SGCZ: variants seen among roughly 807,000 people sequenced by gnomAD.
The protein encoded by SGCZ is zeta-sarcoglycan.
SGCZ carries 40 observed loss-of-function variants against 41.3 expected under a neutral mutation model. That is an observed-to-expected ratio of 0.97 (90% CI 0.75 to 1.26). The LOEUF (loss-of-function observed/expected upper bound fraction) is 1.26, where lower values mean the gene tolerates loss of function less well. Among genes scored for constraint, SGCZ ranks in the 50% most tolerant of loss-of-function variants. SGCZ has a pLI of 0.00. For synonymous variants in SGCZ, 206 were observed against 137.5 expected, an observed-to-expected ratio of 1.50 and a Z score of -3.49; for missense variants, 552 against 369.8, an observed-to-expected ratio of 1.49 and a Z score of -4.04.
intron 2 of SGCZ, among the ~76,000 whole-genome samples, chr8:14,350,232 T>G (rs1803039919): frequency 1.3e-5 from 2 of 150,276 alleles, no homozygotes; most frequent in African/African-American, 2.4e-5. Context: ...TCAATAATCT[T>G]AAGGAGCAAA....
chr8:14,232,495 C>A (rs900168090), intron 4 of SGCZ, among the ~76,000 whole-genome samples: 9 of 151,796 alleles, frequency 5.9e-5, no homozygotes, highest in Non-Finnish European at 1.2e-4. Flanking sequence ...CTTATTTAAG[C>A]CCTAAGTTTC....
intron 1 of SGCZ, among the ~76,000 whole-genome samples, chr8:15,140,945 G>T (rs1457057744): frequency 6.6e-6 from 1 of 152,204 alleles, no homozygotes; most frequent in Non-Finnish European, 1.5e-5. Context: ...TACATTTAAT[G>T]AGGAACTATT....
intron 2 of SGCZ, among the ~76,000 whole-genome samples, chr8:14,410,884 G>C (rs904692323): frequency 1.3e-5 from 2 of 152,082 alleles, no homozygotes; most frequent in South Asian, 2.1e-4. Flanking sequence ...TGAGGGAAAA[G>C]TTTAAAAAGC....
At chr8:14,212,467 C>CAAAAAAAAAAAAAAAAA (rs33947419) in intron 4 of SGCZ, among the ~76,000 whole-genome samples, 7 of 97,972 alleles carry the variant, frequency 7.1e-5, no homozygotes, top group East Asian at 2.9e-4. Flanking sequence ...ATGCAAAAGA[C>CAAAAAAAAAAAAAAAAA]AAAAAAAAAA....
At chr8:14,873,607 A>C (rs1563330379) in intron 1 of SGCZ, among the ~76,000 whole-genome samples, 2 of 152,064 alleles carry the variant, frequency 1.3e-5, no homozygotes, top group Non-Finnish European at 2.9e-5. Flanking sequence ...GATGGACTTA[A>C]CTCATCAGTA....
intron 2 of SGCZ, among the ~76,000 whole-genome samples, chr8:14,325,663 A>T (rs1469723422): frequency 7.0e-6 from 1 of 143,034 alleles, no homozygotes; most frequent in Non-Finnish European, 1.5e-5. Flanking sequence ...ATATATAATC[A>T]TATTTTAATT....
intron 1 of SGCZ, among the ~76,000 whole-genome samples, chr8:14,562,619 T>C (rs1031774886): frequency 2.6e-5 from 4 of 152,056 alleles, no homozygotes; most frequent in African/African-American, 9.7e-5. Flanking sequence ...AAAAGAAGTT[T>C]TTATTTGAAG....
chr8:15,183,408 C>A (rs941570629), intron 1 of SGCZ, among the ~76,000 whole-genome samples: 1 of 152,134 alleles, frequency 6.6e-6, no homozygotes, highest in African/African-American at 2.4e-5. Flanking sequence ...TTTTTCAGGT[C>A]CATTATAAGT....
rs34754464 is a variant in SGCZ at position 14,874,039 on chromosome 8, CTG to C, written c.40-319115_40-319114del. Among the ~76,000 whole-genome samples, 1,416 of 152,160 alleles carry C rather than the reference CTG, an allele frequency of 9.3e-3. 16 individuals are homozygous for C. Among genetic ancestry groups the C allele is most frequent in the Non-Finnish European group, 0.014 (933 of 67,988 alleles). On this transcript the variant is annotated intron_variant, in intron 1 of 7. Transcript: ENST00000382080. ...TACGATGACTGAAAACCATGGAAAA[CTG>C]TGATTTACTTTTAGAACTTTGAAGA...
chr8:14,235,233 C>T (rs1249360605), intron 4 of SGCZ, among the ~76,000 whole-genome samples: 1 of 152,204 alleles, frequency 6.6e-6, no homozygotes, highest in African/African-American at 2.4e-5. Context: ...TCCTTTCACA[C>T]AGCCCTAGTC....
chr8:14,382,017 T>C (rs991049380), intron 2 of SGCZ, among the ~76,000 whole-genome samples: 2 of 152,170 alleles, frequency 1.3e-5, no homozygotes, highest in African/African-American at 4.8e-5. Context: ...TTCCGGAGCT[T>C]TACCTTGCTA....
chr8:15,103,547 T>C (rs1472010401), intron 1 of SGCZ, among the ~76,000 whole-genome samples: 4 of 152,128 alleles, frequency 2.6e-5, no homozygotes, highest in Non-Finnish European at 5.9e-5. Flanking sequence ...CTAATAAGTC[T>C]GGATGTTAAT....
rs1554472104 is a variant in SGCZ, at chr8:14,645,478, T to TTTTATATATA, written c.40-90553_40-90552insTATATATAAA. Among the ~76,000 whole-genome samples the TTTTATATATA allele has an allele frequency of 4.4e-4, 47 of 106,618 alleles. 1 individual carries two copies. The South Asian group carries it at 0.014, about 32-fold the overall frequency. 69.9% of individuals were successfully genotyped at this position (106,618 alleles called of 152,430 possible). On this transcript the variant is annotated intron_variant, in intron 1 of 7. Transcript: ENST00000382080. ...AGTATCATTGATTATATATATATATTTATATGTATATATATATATATATGG... is the reference window on the plus strand; with the variant it reads ...AGTATCATTGATTATATATATATATTTTTATATATATATATGTATATATATATATATATGG...
At chr8:14,420,428 T>G (rs1799608395) in intron 2 of SGCZ, among the ~76,000 whole-genome samples, 1 of 152,108 alleles carries the variant, frequency 6.6e-6, no homozygotes, top group African/African-American at 2.4e-5. Context: ...TTGTTGTGGA[T>G]GTTTATTCAG....
At chr8:14,232,712 A>C (rs767568350) in intron 4 of SGCZ, among the ~76,000 whole-genome samples, 13 of 152,190 alleles carry the variant, frequency 8.5e-5, no homozygotes, top group Middle Eastern at 3.4e-3. Flanking sequence ...TTAACTCGTC[A>C]TTTAGCAGAA....
chr8:14,715,557 CACA>C (rs1207310143), intron 1 of SGCZ, among the ~76,000 whole-genome samples: 16 of 142,736 alleles, frequency 1.1e-4, no homozygotes, highest in Non-Finnish European at 2.3e-4. Context: ...CACACACACA[CACA>C]AACATGCACA....
At chr8:14,438,604 G>C (rs1376910957) in intron 2 of SGCZ, among the ~76,000 whole-genome samples, 1 of 151,900 alleles carries the variant, frequency 6.6e-6, no homozygotes, top group East Asian at 1.9e-4. Context: ...AAGAAAAATT[G>C]ATTTGTAATG....
At chr8:14,167,937 T>C (rs963123540) in intron 4 of SGCZ, among the ~76,000 whole-genome samples, 4 of 152,160 alleles carry the variant, frequency 2.6e-5, no homozygotes, top group Non-Finnish European at 5.9e-5. Flanking sequence ...TTCTATTACA[T>C]AAAAATCTTC....
chr8:15,059,273 T>TTTC (rs752744903), intron 1 of SGCZ, among the ~76,000 whole-genome samples: 10 of 152,340 alleles, frequency 6.6e-5, no homozygotes, highest in Admixed American at 1.3e-4. Flanking sequence ...TAACTGTCTG[T>TTTC]TTCTTAAATA....
Sources: allele counts gnomAD v4.1 joint callset (sites outside exome capture counted in the v4.1 genomes callset), GRCh38; gene constraint gnomAD v4.1.1; transcripts MANE v1.5; gene names NCBI Gene and HGNC (gene_info 2026-07-23, HGNC 2026-07-21).